TMEM67: variants seen among roughly 807,000 people sequenced by gnomAD.
TMEM67 encodes meckelin.
Under a neutral mutation model 136.6 loss-of-function variants are expected in TMEM67, and 124 were observed. The ratio of observed to expected loss-of-function variants is 0.91; its 90% CI spans 0.78 to 1.05. TMEM67 has a LOEUF of 1.05. TMEM67 is among the 50% of genes least tolerant of loss of function. The pLI is 0.00. For synonymous variants in TMEM67, 364 were observed against 390.5 expected (o/e 0.93, Z 0.80); for missense variants, 1,107 against 1,178.4 (o/e 0.94, Z 0.89).
intron 6 of TMEM67, among the ~76,000 whole-genome samples, chr8:93,767,435 A>G (rs1813126355): frequency 6.6e-6 from 1 of 152,246 alleles, no homozygotes; most frequent in African/African-American, 2.4e-5. Context: ...TTAACTCACT[A>G]GCATTAGTCT....
At chr8:93,758,088 T>C (rs1439608339) in intron 2 of TMEM67, among the ~76,000 whole-genome samples, 2 of 152,196 alleles carry the variant, frequency 1.3e-5, no homozygotes, top group East Asian at 3.8e-4. Context: ...TTTTAAAAAT[T>C]AGAATAGAGT....
chr8:93,786,514 G>A (rs1814113892), intron 13 of TMEM67, among the ~76,000 whole-genome samples, 168 bp downstream of exon 13: 1 of 152,108 alleles, frequency 6.6e-6, no homozygotes, highest in South Asian at 2.1e-4. Context: ...ATAGCCAAGG[G>A]GGAAAACTAT....
chr8:93,832,291 T>C, the TMEM67 span, among the ~76,000 whole-genome samples: 8 of 152,324 alleles, frequency 5.3e-5, 1 homozygote, highest in South Asian at 1.7e-3. Flanking sequence ...TTAGATTGTA[T>C]GCTACTTGGA....
chr8:93,784,279 G>T (rs1054802376), intron 11 of TMEM67, among the ~76,000 whole-genome samples: 8 of 152,120 alleles, frequency 5.3e-5, no homozygotes, highest in African/African-American at 1.9e-4. Context: ...ATGCCTATCT[G>T]TGTGCTCAGC....
At chr8:93,755,164 C>A in intron 1 of TMEM67, 27 bp downstream of exon 1, 2 of 1,594,422 alleles carry the variant, frequency 1.3e-6, no homozygotes, top group South Asian at 2.2e-5. Flanking sequence ...TGGGCCCTGG[C>A]AAAAGTAACA....
At chr8:93,761,918 C>T (rs144223605) in intron 3 of TMEM67, 1 of 152,310 alleles carries the variant, frequency 6.6e-6, no homozygotes, top group Non-Finnish European at 1.5e-5. Flanking sequence ...GAGTGAAGAA[C>T]TGAGTGCCTG....
At chr8:93,755,230 G>A in intron 1 of TMEM67, 93 bp downstream of exon 1, 1 of 1,247,564 alleles carries the variant, frequency 8.0e-7, no homozygotes, top group Non-Finnish European at 1.2e-6. Flanking sequence ...ATGTTGATCA[G>A]GCTAGTCTCG....
chr8:93,787,204 G>T (rs913837644), intron 13 of TMEM67, among the ~76,000 whole-genome samples: 1 of 151,400 alleles, frequency 6.6e-6, no homozygotes, highest in Non-Finnish European at 1.5e-5. Context: ...ATCGAATTTG[G>T]CAAAATGAAC....
intron 11 of TMEM67, 46 bp downstream of exon 11, chr8:93,782,506 A>C: frequency 6.8e-7 from 1 of 1,463,382 alleles, no homozygotes; most frequent in East Asian, 2.3e-5. Flanking sequence ...TATTTTTCAA[A>C]ATATCATGTC....
intron 18 of TMEM67, 116 bp downstream of exon 18, chr8:93,796,103 G>A (rs1451437476): frequency 5.3e-6 from 4 of 755,876 alleles, no homozygotes; most frequent in Non-Finnish European, 9.3e-6. Flanking sequence ...GGTTTTGAAA[G>A]AAAGCATTAA....
chr8:93,756,023 C>T (rs1812557780), intron 2 of TMEM67, 157 bp downstream of exon 2: 9 of 483,640 alleles, frequency 1.9e-5, no homozygotes, highest in African/African-American at 1.4e-4. Flanking sequence ...GGGAGATCAG[C>T]GAAATTTCAT....
At chr8:93,765,313 C>A in intron 4 of TMEM67, 93 bp from the exon 5 acceptor site, 1 of 946,766 alleles carries the variant, frequency 1.1e-6, no homozygotes, top group Non-Finnish European at 1.7e-6. Context: ...CTGAATGAAT[C>A]TACTCTAATC....
intron 15 of TMEM67, among the ~76,000 whole-genome samples, chr8:93,792,497 C>A (rs1814425550): frequency 6.6e-6 from 1 of 151,938 alleles, no homozygotes; most frequent in South Asian, 2.1e-4. Flanking sequence ...AAATAGCATC[C>A]ATTGATGATT....
chr8:93,781,191 G>A (rs1813809114), intron 9 of TMEM67, among the ~76,000 whole-genome samples: 1 of 152,186 alleles, frequency 6.6e-6, no homozygotes, highest in South Asian at 2.1e-4. Flanking sequence ...TGTGGTTATG[G>A]CAAGAAGTTG....
intron 4 of TMEM67, among the ~76,000 whole-genome samples, chr8:93,764,802 C>T (rs757290377): frequency 7.9e-5 from 12 of 152,080 alleles, no homozygotes; most frequent in East Asian, 1.9e-4. Context: ...TGCCCCAGCC[C>T]GACTCCTACC....
chr8:93,769,016 G>C (rs1813211059), intron 6 of TMEM67, among the ~76,000 whole-genome samples: 1 of 151,742 alleles, frequency 6.6e-6, no homozygotes, highest in African/African-American at 2.4e-5. Context: ...AAACTTTCCT[G>C]GTCCCACACG....
At chr8:93,822,939 C>G (rs1809061385), downstream of TMEM67, among the ~76,000 whole-genome samples, 1 of 151,944 alleles carries the variant, frequency 6.6e-6, no homozygotes, top group African/African-American at 2.4e-5. Context: ...TATATAATGC[C>G]CTTTATCTAT....
At chr8:93,788,393 T>A (rs1814216788) in intron 14 of TMEM67, among the ~76,000 whole-genome samples, 2 of 152,082 alleles carry the variant, frequency 1.3e-5, no homozygotes, top group Admixed American at 1.3e-4. Context: ...TGAAACCCCG[T>A]CTTTACTGAA....
intron 6 of TMEM67, among the ~76,000 whole-genome samples, chr8:93,770,028 G>C (rs1456873172): frequency 6.6e-6 from 1 of 152,166 alleles, no homozygotes; most frequent in Non-Finnish European, 1.5e-5. Context: ...ACATGAGTTA[G>C]TGTCTCCCCA....
Sources: gnomAD v4.1 joint callset for allele counts (sites outside exome capture counted in the v4.1 genomes callset) on GRCh38, gnomAD v4.1.1 for gene constraint, MANE v1.5 for transcripts, NCBI Gene and HGNC (gene_info 2026-07-23, HGNC 2026-07-21) for gene names.